Variants in RSPO2 observed in about 807,000 individuals in gnomAD.
The protein encoded by RSPO2 is R-spondin 2.
RSPO2 carries 14 observed loss-of-function variants against 30.9 expected under a neutral mutation model. The ratio of observed to expected loss-of-function variants is 0.45; its 90% CI spans 0.30 to 0.71. The LOEUF (loss-of-function observed/expected upper bound fraction) is 0.71. Among genes scored for constraint, RSPO2 ranks in the 30% least tolerant of loss-of-function variants. RSPO2 has a pLI of 0.08. For synonymous variants in RSPO2, 107 were observed against 96.4 expected (o/e 1.11, Z -0.64); for missense variants, 264 against 301.9 (o/e 0.87, Z 0.93).
chr8:107,943,767 A>C (rs1188013858), intron 5 of RSPO2, among the ~76,000 whole-genome samples: 1 of 152,216 alleles, frequency 6.6e-6, no homozygotes, highest in Non-Finnish European at 1.5e-5. Context: ...GACACTTGAC[A>C]TTTGAGGCCA....
intron 2 of RSPO2, among the ~76,000 whole-genome samples, chr8:108,003,685 T>G (rs989207749): frequency 1.3e-5 from 2 of 151,636 alleles, no homozygotes; most frequent in African/African-American, 4.8e-5. Flanking sequence ...AGAAAAAAAA[T>G]TAACCCCGGG....
At chr8:108,016,500 T>A (rs901002664) in intron 2 of RSPO2, among the ~76,000 whole-genome samples, 2 of 152,158 alleles carry the variant, frequency 1.3e-5, no homozygotes, top group Non-Finnish European at 2.9e-5. Context: ...TTTAGCAAAC[T>A]GAAGAGCATT....
At chr8:107,942,827 A>G (rs1161544940) in intron 5 of RSPO2, among the ~76,000 whole-genome samples, 1 of 152,264 alleles carries the variant, frequency 6.6e-6, no homozygotes, top group Non-Finnish European at 1.5e-5. Context: ...CCATGCATTC[A>G]AAGGTATAAA....
chr8:107,910,507 T>G (rs914892289), intron 5 of RSPO2, among the ~76,000 whole-genome samples: 1 of 152,184 alleles, frequency 6.6e-6, no homozygotes, highest in East Asian at 1.9e-4. Flanking sequence ...TACTCCAGCC[T>G]GGGTGACAAA....
At chr8:108,073,701 T>TTA (rs532566117) in intron 2 of RSPO2, among the ~76,000 whole-genome samples, 292 of 152,346 alleles carry the variant, frequency 1.9e-3, no homozygotes, top group Non-Finnish European at 3.2e-3. Context: ...TGTTGTACTT[T>TTA]TATAAACTCT....
chr8:108,078,584 T>A (rs1813086348), intron 2 of RSPO2, among the ~76,000 whole-genome samples: 1 of 152,206 alleles, frequency 6.6e-6, no homozygotes, highest in Middle Eastern at 3.2e-3. Flanking sequence ...CACAAATTAA[T>A]TTATCTCTAT....
At chr8:108,065,165 TA>T (rs1812622118) in intron 2 of RSPO2, among the ~76,000 whole-genome samples, 1 of 146,898 alleles carries the variant, frequency 6.8e-6, no homozygotes, top group Non-Finnish European at 1.5e-5. Context: ...GAATTTAAAG[TA>T]TAAGTTAAAA....
chr8:107,977,508 G>C (rs186776198), intron 3 of RSPO2, among the ~76,000 whole-genome samples: 3 of 152,098 alleles, frequency 2.0e-5, no homozygotes, highest in Non-Finnish European at 4.4e-5. Flanking sequence ...TCCCATCTTT[G>C]GGAATGATGG....
At chr8:108,002,720 A>C (rs942897542) in intron 2 of RSPO2, among the ~76,000 whole-genome samples, 16 of 152,356 alleles carry the variant, frequency 1.1e-4, no homozygotes, top group Non-Finnish European at 8.8e-5. Context: ...AATCAGTGTC[A>C]TAACTAACCA....
At chr8:107,983,624 AGCAGGCAACCAAAATT>A (rs1395977425) in intron 3 of RSPO2, 23 of 1,594,456 alleles carry the variant, frequency 1.4e-5, no homozygotes, top group African/African-American at 4.0e-5. Context: ...ATTATAGAGG[AGCAGGCAACCAAAATT>A]GCAGATTTGA....
chr8:108,025,026 A>G (rs1198774425), intron 2 of RSPO2, among the ~76,000 whole-genome samples: 1 of 152,212 alleles, frequency 6.6e-6, no homozygotes, highest in Admixed American at 6.5e-5. Flanking sequence ...TCAAAAAAGC[A>G]AGGATAGGGA....
At chr8:108,048,192 T>C (rs1307567924) in intron 2 of RSPO2, among the ~76,000 whole-genome samples, 1 of 152,006 alleles carries the variant, frequency 6.6e-6, no homozygotes, top group East Asian at 1.9e-4. Flanking sequence ...TGACCTAGGA[T>C]GCTATCCAAT....
chr8:108,002,792 A>G (rs13282910), intron 2 of RSPO2, among the ~76,000 whole-genome samples: 45,027 of 152,056 alleles, frequency 0.3, 6,962 homozygotes, highest in Middle Eastern at 0.36. Context: ...CTGTGTTTTA[A>G]AATTGAGAAT....
At chr8:108,058,596 CA>C (rs200363265) in intron 2 of RSPO2, among the ~76,000 whole-genome samples, 4,161 of 152,036 alleles carry the variant, frequency 0.027, 174 homozygotes, top group African/African-American at 0.093. Context: ...GACTTCAAAC[CA>C]TACTACAAGG....
chr8:108,001,462 T>G (rs182527503), intron 2 of RSPO2, among the ~76,000 whole-genome samples: 2 of 152,252 alleles, frequency 1.3e-5, no homozygotes. Flanking sequence ...TGCATATCCC[T>G]ACACTAGACG....
rs1468187252 is a variant in RSPO2 at position 107,958,315 on chromosome 8, T to G, written c.428-47A>C. 4 of 1,466,566 alleles carry G rather than the reference T, an allele frequency of 2.7e-6. No homozygotes were observed. The South Asian group carries it at 4.7e-5, about 17-fold the overall frequency. The allele number at this position is 1,466,566 out of a possible 1,614,324, so 90.8% of individuals were successfully genotyped here. A position where few individuals can be genotyped will look rare whatever the true frequency, so the allele number is the denominator to read the frequency against. ...AGAAAAAAAAACACAAGCACATAAGTTAGTATCCATTTGCTTCACTGTCAT... is the reference window on the plus strand; with the variant it reads ...AGAAAAAAAAACACAAGCACATAAGGTAGTATCCATTTGCTTCACTGTCAT... On this transcript the variant is annotated intron_variant, in intron 4 of 5. Transcript: ENST00000276659.
At chr8:107,911,724 T>TA (rs752653291) in intron 5 of RSPO2, among the ~76,000 whole-genome samples, 13 of 152,164 alleles carry the variant, frequency 8.5e-5, no homozygotes, top group Non-Finnish European at 1.3e-4. Flanking sequence ...AGAAGTTAAG[T>TA]AAATAGCACA....
At chr8:108,074,451 C>T (rs1812950570) in intron 2 of RSPO2, among the ~76,000 whole-genome samples, 2 of 152,120 alleles carry the variant, frequency 1.3e-5, no homozygotes, top group South Asian at 4.1e-4. Flanking sequence ...TTTGTTCTGG[C>T]TATACTAGAA....
At chr8:108,053,137 A>G (rs577098517) in intron 2 of RSPO2, among the ~76,000 whole-genome samples, 33 of 152,110 alleles carry the variant, frequency 2.2e-4, no homozygotes, top group Non-Finnish European at 4.4e-4. Context: ...AGATAGTACA[A>G]CCTCGGTTAC....
Sources: gnomAD v4.1 joint callset for allele counts (sites outside exome capture counted in the v4.1 genomes callset) on GRCh38, gnomAD v4.1.1 for gene constraint, MANE v1.5 for transcripts, NCBI Gene and HGNC (gene_info 2026-07-23, HGNC 2026-07-21) for gene names.